The following ZNF341 variants were observed in gnomAD, a reference collection of about 807,000 sequenced individuals.
ZNF341 encodes the protein zinc finger protein 341.
ZNF341 carries 52 observed loss-of-function variants against 87.7 expected under a neutral mutation model. The observed-to-expected ratio is 0.59, with a 90% confidence interval of 0.47 to 0.75. The LOEUF (loss-of-function observed/expected upper bound fraction) is 0.75. ZNF341 is among the 30% of genes least tolerant of loss of function. The pLI is 0.00. For missense variants in ZNF341, 977 were observed against 1,145.9 expected (o/e 0.85, Z 2.13); for synonymous variants, 459 against 472.7 (o/e 0.97, Z 0.38).
chr20:33,789,731 G>A, intron 14 of ZNF341, 143 bp downstream of exon 14: 1 of 887,202 alleles, frequency 1.1e-6, no homozygotes. Flanking sequence ...TTTCACTTAT[G>A]TGGGCTATGA....
chr20:33,740,974 G>A lies in ZNF341; in HGVS notation c.104G>A (p.Gly35Asp). 1 of 1,614,202 alleles carries A rather than the reference G, an allele frequency of 6.2e-7. No homozygotes were observed. Among genetic ancestry groups the A allele is most frequent in the South Asian group, 1.1e-5 (1 of 91,084 alleles). The change falls in exon 2 of 15, where the codon GGC becomes GAC. Residue 35 changes from glycine (G) to aspartate (D), a missense_variant. Coordinates refer to ENST00000375200, the MANE Select transcript of ZNF341 (RefSeq NM_001282933.2). ...CAAGGAGCAGTCCCTGATCCGACAG[G>A]CCAGAGTGTCAATGCGCCCCCTGCT... ...DGQGAVPDPT[G>D]QSVNAPPAIQ... is the part of the protein sequence containing the mutation.
chr20:33,785,913 C>T (rs1287434195), intron 12 of ZNF341, among the ~76,000 whole-genome samples: 1 of 152,012 alleles, frequency 6.6e-6, no homozygotes, highest in Non-Finnish European at 1.5e-5. Flanking sequence ...GTGGGTCCCC[C>T]TCCCCCGGGC....
chr20:33,749,468 T>G (rs1178444818), intron 4 of ZNF341, among the ~76,000 whole-genome samples: 1 of 152,124 alleles, frequency 6.6e-6, no homozygotes. Context: ...AATTTTTTTT[T>G]GTATTTTTAG....
intron 11 of ZNF341, 102 bp from the exon 12 acceptor site, chr20:33,783,630 G>T (rs62209612): frequency 5.2e-6 from 8 of 1,527,220 alleles, no homozygotes; most frequent in Non-Finnish European, 7.2e-6. Flanking sequence ...AGAAAGGAAG[G>T]TGTCTCTATA....
At chr20:33,733,394 A>G (rs1430327417) in intron 1 of ZNF341, among the ~76,000 whole-genome samples, 5 of 140,824 alleles carry the variant, frequency 3.6e-5, no homozygotes, top group African/African-American at 1.5e-4. Flanking sequence ...ACGCCCGGCT[A>G]ATTTTTTTTT....
intron 5 of ZNF341, among the ~76,000 whole-genome samples, chr20:33,756,083 C>A (rs2019170595): frequency 6.6e-6 from 1 of 151,904 alleles, no homozygotes; most frequent in Admixed American, 6.6e-5. Context: ...ATTATCTGGG[C>A]ATGGTGGTGT....
chr20:33,751,611 C>T (rs1324431920), intron 4 of ZNF341, among the ~76,000 whole-genome samples: 1 of 152,094 alleles, frequency 6.6e-6, no homozygotes, highest in African/African-American at 2.4e-5. Context: ...CTCACTTCAG[C>T]TGCCCTGGCT....
intron 10 of ZNF341, among the ~76,000 whole-genome samples, chr20:33,780,294 G>A (rs1337030487): frequency 6.6e-6 from 1 of 152,168 alleles, no homozygotes; most frequent in African/African-American, 2.4e-5. Flanking sequence ...TGAGTGAGGT[G>A]GAGAAAGGAG....
At chr20:33,784,960 C>G (rs138413415) in intron 12 of ZNF341, among the ~76,000 whole-genome samples, 23 of 152,306 alleles carry the variant, frequency 1.5e-4, no homozygotes, top group African/African-American at 5.3e-4. Context: ...GGGGACACTG[C>G]TCTCACTGTA....
At chr20:33,735,854 C>G (rs1304806679) in intron 1 of ZNF341, among the ~76,000 whole-genome samples, 2 of 152,016 alleles carry the variant, frequency 1.3e-5, no homozygotes, top group African/African-American at 4.8e-5. Context: ...ATCCTTGATG[C>G]CTGGCAACCA....
In ZNF341 at chr20:33,791,036, G is replaced by A. The variant is rs548237921; in HGVS notation, c.2084G>A (p.Arg695His). 233 of 1,613,526 alleles carry A rather than the reference G, an allele frequency of 1.4e-4. 2 individuals carry two copies. In the South Asian group the frequency reaches 2.1e-3, roughly 14 times the overall value. Residue 695 changes from arginine to histidine, a missense_variant, in exon 15 of 15, where the codon CGT becomes CAT. Physicochemically the swap from Arg to His is conservative, Grantham distance 29 (BLOSUM62 0). Transcript: ENST00000375200. ...CTGTGCAGCAAGTCCTTCAGCCGCC[G>A]TGCCCACCTCGCCGAGCATCAGCGC... The part of the protein sequence containing the change: ...CALCSKSFSR[R>H]AHLAEHQRAH...
At chr20:33,739,721 C>T (rs139854309) in intron 1 of ZNF341, among the ~76,000 whole-genome samples, 4 of 152,156 alleles carry the variant, frequency 2.6e-5, no homozygotes, top group African/African-American at 4.8e-5. Context: ...CTAGGATTAG[C>T]GTCAGCCATG....
rs2626560 is a variant in ZNF341, at chr20:33,781,426, A to G, written c.1719+39A>G. On this transcript the variant is annotated intron_variant, in intron 11 of 14. Coordinates refer to ENST00000375200, the MANE Select transcript of ZNF341 (RefSeq NM_001282933.2). ...TCCTCTTTTCTGGGGCCTAGGCTAT[A>G]ATAAGGGCAAGGAGGTGGGGTGGGG... 1,422 of 1,584,102 alleles carry G rather than the reference A, an allele frequency of 9.0e-4. 17 individuals carry two copies. The African/African-American group carries it at 0.017, about 19-fold the overall frequency.
chr20:33,783,892 GC>G (rs1350544509), intron 12 of ZNF341, 28 bp downstream of exon 12: 1 of 1,599,958 alleles, frequency 6.3e-7, no homozygotes, highest in South Asian at 1.1e-5. Context: ...GAGAACTCCA[GC>G]CCAGCCCCTC....
intron 3 of ZNF341, among the ~76,000 whole-genome samples, chr20:33,748,658 G>A (rs139835381): frequency 3.9e-5 from 6 of 152,146 alleles, no homozygotes; most frequent in East Asian, 1.9e-4. Flanking sequence ...GTGAGCCACC[G>A]TGCCCAGTCT....
At chr20:33,738,556 G>A (rs973099816) in intron 1 of ZNF341, among the ~76,000 whole-genome samples, 6 of 152,280 alleles carry the variant, frequency 3.9e-5, no homozygotes, top group Middle Eastern at 3.4e-3. Context: ...GGCAAGATGG[G>A]GGTTCGTTAG....
intron 1 of ZNF341, 75 bp from the exon 2 acceptor site, chr20:33,740,827 G>A (rs2018782731): frequency 7.1e-7 from 1 of 1,402,630 alleles, no homozygotes; most frequent in Non-Finnish European, 1.0e-6. Context: ...GTTTTGCCTG[G>A]GTCTGGCTTG....
Position 33,791,642 on chromosome 20 carries a change from T to C in ZNF341, c.*125T>C. On this transcript the variant is annotated 3_prime_UTR_variant, in exon 15 of 15. Coordinates refer to ENST00000375200, the MANE Select transcript of ZNF341 (RefSeq NM_001282933.2). ...ATCGAGCCATTGGCAGAAATCCTGC[T>C]GAATGTCATTCAGAAACCTCAGCCC... The C allele has an allele frequency of 8.9e-7, 1 of 1,129,300 alleles. No homozygotes were observed. The highest frequency in any genetic ancestry group is 1.2e-6 in the Non-Finnish European group (1 of 828,050). The allele number at this position is 1,129,300 out of a possible 1,614,324, so 70.0% of individuals were successfully genotyped here. A position where few individuals can be genotyped will look rare whatever the true frequency, so the allele number is the denominator to read the frequency against.
intron 5 of ZNF341, 92 bp downstream of exon 5, chr20:33,753,515 C>T: frequency 6.9e-7 from 1 of 1,439,794 alleles, no homozygotes; most frequent in Non-Finnish European, 9.1e-7. Flanking sequence ...GTGCCAGACA[C>T]TGTGCTGGGG....
Sources: allele counts gnomAD v4.1 joint callset (sites outside exome capture counted in the v4.1 genomes callset), GRCh38; gene constraint gnomAD v4.1.1; transcripts MANE v1.5; gene names NCBI Gene and HGNC (gene_info 2026-07-23, HGNC 2026-07-21).